Variants in PLD5 observed in about 807,000 individuals in gnomAD.
The protein encoded by PLD5 is phospholipase D family member 5, also known as inactive phospholipase D5.
A neutral mutation model predicts 61.1 loss-of-function variants in PLD5; 36 were observed. The observed-to-expected ratio is 0.59, with a 90% CI of 0.45 to 0.78. PLD5 has a LOEUF of 0.78. Among genes scored for constraint, PLD5 ranks in the 30% least tolerant of loss-of-function variants. PLD5 has a pLI of 0.00. For missense variants in PLD5, 515 were observed against 644.4 expected, an observed-to-expected ratio of 0.80 and a Z score of 2.17; for synonymous variants, 243 against 242.8, an observed-to-expected ratio of 1.00 and a Z score of -0.01.
At position 242,481,794 on chromosome 1, in the gene PLD5, C is replaced by A. The variant is rs1280615473; in HGVS notation, c.189+42294G>T. 4.6e-5 allele frequency among the ~76,000 whole-genome samples: 7 copies of A among 152,336 alleles called. No homozygotes were observed. In the East Asian group the frequency reaches 1.4e-3, roughly 29 times the overall value. ...GGTCCCTGACCCCTGAGTAGCCTAA[C>A]TGAGAGGCACCCCCTAGTAGGGGCA... On this transcript the variant is annotated intron_variant, in intron 1 of 9. Coordinates refer to ENST00000536534, the MANE Select transcript of PLD5 (RefSeq NM_001372062.1).
intron 7 of PLD5, among the ~76,000 whole-genome samples, chr1:242,108,316 C>T (rs1275014239): frequency 6.6e-6 from 1 of 152,198 alleles, no homozygotes; most frequent in Non-Finnish European, 1.5e-5. Flanking sequence ...TCCCGACTGT[C>T]TTACCGTGGT....
intron 1 of PLD5, among the ~76,000 whole-genome samples, chr1:242,418,097 G>A (rs1251674334): frequency 6.6e-6 from 1 of 152,128 alleles, no homozygotes; most frequent in Non-Finnish European, 1.5e-5. Context: ...TGTTGCATTA[G>A]AAGAGGTGAA....
intron 2 of PLD5, among the ~76,000 whole-genome samples, chr1:242,335,832 T>C (rs1291461360): frequency 6.6e-6 from 1 of 152,196 alleles, no homozygotes; most frequent in Non-Finnish European, 1.5e-5. Flanking sequence ...TTCCCACAAA[T>C]TGATATTTCT....
At chr1:242,244,725 G>GA (rs1377759530) in intron 4 of PLD5, among the ~76,000 whole-genome samples, 4 of 152,212 alleles carry the variant, frequency 2.6e-5, no homozygotes, top group Admixed American at 2.0e-4. Flanking sequence ...CAGGGGTCAA[G>GA]ACCTCAACTT....
chr1:242,290,735 A>G (rs1391439667), intron 2 of PLD5, among the ~76,000 whole-genome samples: 1 of 151,582 alleles, frequency 6.6e-6, no homozygotes, highest in Non-Finnish European at 1.5e-5. Flanking sequence ...TCTTAAAAGT[A>G]TGAGGGGCAG....
At chr1:242,371,617 T>C (rs76329434) in intron 1 of PLD5, among the ~76,000 whole-genome samples, 4,292 of 152,092 alleles carry the variant, frequency 0.028, 151 homozygotes, top group East Asian at 0.14. Context: ...TTCTTTCAAA[T>C]CTCCCAATGC....
At chr1:242,179,706 C>G (rs114295601) in intron 5 of PLD5, among the ~76,000 whole-genome samples, 1 of 152,110 alleles carries the variant, frequency 6.6e-6, no homozygotes, top group African/African-American at 2.4e-5. Context: ...AGTTTGAGAC[C>G]ATCCTGGCCA....
At chr1:242,137,228 C>T (rs1304907402) in intron 5 of PLD5, among the ~76,000 whole-genome samples, 1 of 152,164 alleles carries the variant, frequency 6.6e-6, no homozygotes, top group Admixed American at 6.5e-5. Context: ...GTAACTTTGG[C>T]ATTATCATTA....
intron 8 of PLD5, 149 bp downstream of exon 8, chr1:242,107,522 T>G (rs902032307): frequency 1.3e-6 from 1 of 744,080 alleles, no homozygotes; most frequent in Non-Finnish European, 2.1e-6. Context: ...CGTATGTGAT[T>G]GTTTTGAAAA....
At chr1:242,418,440 C>T (rs1263942112) in intron 1 of PLD5, among the ~76,000 whole-genome samples, 1 of 152,100 alleles carries the variant, frequency 6.6e-6, no homozygotes, top group Non-Finnish European at 1.5e-5. Flanking sequence ...TTGGAGTTGT[C>T]AGTGTGTACA....
At chr1:242,523,584 G>A (rs2103014820) in intron 1 of PLD5, among the ~76,000 whole-genome samples, 1 of 152,142 alleles carries the variant, frequency 6.6e-6, no homozygotes, top group East Asian at 1.9e-4. Flanking sequence ...CATCCCAGCG[G>A]ACACTCTGCA....
intron 5 of PLD5, among the ~76,000 whole-genome samples, chr1:242,195,482 G>T (rs1311269011): frequency 6.6e-6 from 1 of 152,274 alleles, no homozygotes; most frequent in East Asian, 1.9e-4. Flanking sequence ...TTCTCTTAGG[G>T]CTAGATGTAA....
intron 5 of PLD5, among the ~76,000 whole-genome samples, chr1:242,212,569 C>A (rs1241410091): frequency 6.6e-6 from 1 of 152,074 alleles, no homozygotes; most frequent in African/African-American, 2.4e-5. Flanking sequence ...GGGCAGGAGG[C>A]ACATGCAGGA....
intron 1 of PLD5, among the ~76,000 whole-genome samples, chr1:242,410,816 T>G (rs1664506749): frequency 6.6e-6 from 1 of 152,162 alleles, no homozygotes; most frequent in African/African-American, 2.4e-5. Context: ...TCCTCTTTGA[T>G]GCTCAGATTC....
At chr1:242,260,109 G>T (rs1673297496) in intron 4 of PLD5, among the ~76,000 whole-genome samples, 1 of 152,106 alleles carries the variant, frequency 6.6e-6, no homozygotes, top group African/African-American at 2.4e-5. Flanking sequence ...AACACTTTGG[G>T]AAGCCAAAGT....
chr1:242,167,078 GTAATAATAATAA>G (rs377540462), intron 5 of PLD5, among the ~76,000 whole-genome samples: 28 of 58,656 alleles, frequency 4.8e-4, no homozygotes, highest in East Asian at 2.4e-3. Context: ...AATAATAATA[GTAATAATAATAA>G]TAATAATAAT....
chr1:242,311,415 G>T (rs1282830327), intron 2 of PLD5, among the ~76,000 whole-genome samples: 4 of 152,218 alleles, frequency 2.6e-5, no homozygotes, highest in Admixed American at 1.3e-4. Flanking sequence ...TGAAGCCTGA[G>T]AATTTTTACT....
Position 242,343,062 on chromosome 1 carries a change from G to A in PLD5, c.326+5044C>T, listed in dbSNP as rs183369277. On this transcript the variant is annotated intron_variant, in intron 2 of 9. Coordinates refer to ENST00000536534, the MANE Select transcript of PLD5 (RefSeq NM_001372062.1). The stretch of plus-strand genomic sequence containing the variant: ...GAATCAGAATGGGAATCTTATTAGA[G>A]GATAGAGAGGCTAGTTAGCAGAAAT... Among the ~76,000 whole-genome samples, 4 of 152,170 alleles carry A rather than the reference G, an allele frequency of 2.6e-5. No individual in the cohort carries two copies. The East Asian group carries it at 7.7e-4, about 29-fold the overall frequency.
At chr1:242,151,662 A>C (rs1384510902) in intron 5 of PLD5, among the ~76,000 whole-genome samples, 1 of 151,950 alleles carries the variant, frequency 6.6e-6, no homozygotes, top group Non-Finnish European at 1.5e-5. Flanking sequence ...CTAATGCTTG[A>C]TGGTTTCTGA....
Sources: allele counts gnomAD v4.1 joint callset (sites outside exome capture counted in the v4.1 genomes callset), GRCh38; gene constraint gnomAD v4.1.1; transcripts MANE v1.5; gene names NCBI Gene and HGNC (gene_info 2026-07-23, HGNC 2026-07-21).